ATAD2: variants seen among roughly 807,000 people sequenced by gnomAD.
ATAD2 encodes the protein ATPase family AAA domain containing 2.
ATAD2 carries 62 observed loss-of-function variants against 168.9 expected under a neutral mutation model. The ratio of observed to expected loss-of-function variants is 0.37; its 90% CI spans 0.30 to 0.45. The LOEUF (loss-of-function observed/expected upper bound fraction) is 0.45, where lower values mean the gene tolerates loss of function less well. ATAD2 is among the 20% of genes least tolerant of loss of function. ATAD2 has a pLI of 1.00. For synonymous variants in ATAD2, 613 were observed against 571.6 expected, an observed-to-expected ratio of 1.07 and a Z score of -1.03; for missense variants, 1,419 against 1,667.8, an observed-to-expected ratio of 0.85 and a Z score of 2.60.
At chr8:123,394,873 T>C (rs1245604500) in intron 1 of ATAD2, among the ~76,000 whole-genome samples, 1 of 152,222 alleles carries the variant, frequency 6.6e-6, no homozygotes, top group African/African-American at 2.4e-5. Flanking sequence ...AGGAAATTAC[T>C]TGTCTTTTCA....
intron 24 of ATAD2, 96 bp downstream of exon 24, chr8:123,333,782 C>T: frequency 7.7e-7 from 1 of 1,296,592 alleles, no homozygotes; most frequent in Non-Finnish European, 1.0e-6. Context: ...TAATTCACTG[C>T]ATTAACACAA....
chr8:123,322,627 C>T (rs960524756), intron 27 of ATAD2, among the ~76,000 whole-genome samples: 2 of 152,116 alleles, frequency 1.3e-5, no homozygotes, highest in Admixed American at 6.6e-5. Context: ...GAGTTGAGAT[C>T]GCACCACTGC....
intron 14 of ATAD2, 124 bp from the exon 15 acceptor site, chr8:123,348,397 C>G (rs186304194): frequency 5.1e-4 from 365 of 709,582 alleles, no homozygotes; most frequent in Non-Finnish European, 6.9e-4. Flanking sequence ...TTAATACTGG[C>G]CGGGTGCGGT....
In ATAD2 at chr8:123,322,939, T is replaced by G; in HGVS notation, c.4130A>C (p.Gln1377Pro). The change falls in exon 27 of 28, where the codon CAG (glutamine) becomes CCG (proline). Residue 1377 changes from glutamine to proline, a missense_variant and splice_region_variant. By Grantham distance (76) the Gln-to-Pro change is moderately conservative (BLOSUM62 -1). This residue lies in a region of ATAD2 where 303 missense variants were observed against 304.3 expected (regional missense o/e 1.00). Transcript: ENST00000287394. ...RKDHDKTSLI[Q>P]KMEQEVENFS... ...AAAAGTTTCCACTCAAGAGTTTACC[T>G]GAATAAGTGATGTTTTATCATGGTC... 1 of 1,611,964 alleles carries G rather than the reference T, an allele frequency of 6.2e-7. No homozygotes were observed. The highest frequency in any genetic ancestry group is 8.5e-7 in the Non-Finnish European group (1 of 1,179,198).
intron 24 of ATAD2, among the ~76,000 whole-genome samples, chr8:123,331,283 A>G (rs987167791): frequency 2.0e-5 from 3 of 151,702 alleles, no homozygotes; most frequent in African/African-American, 4.8e-5. Flanking sequence ...TTTGTTGGCC[A>G]GGCTGGAGTG....
intron 22 of ATAD2, among the ~76,000 whole-genome samples, chr8:123,336,018 CTA>C (rs1386321594): frequency 1.3e-5 from 2 of 152,014 alleles, no homozygotes; most frequent in East Asian, 3.8e-4. Context: ...ATTTTAAAAA[CTA>C]TTTCATTACA....
intron 1 of ATAD2, among the ~76,000 whole-genome samples, chr8:123,409,759 G>A (rs190465165): frequency 6.6e-6 from 1 of 151,814 alleles, no homozygotes. Flanking sequence ...CCTGGGGTTG[G>A]TTTAGTTTTG....
At chr8:123,328,825 G>A (rs1827688362) in intron 24 of ATAD2, among the ~76,000 whole-genome samples, 1 of 141,658 alleles carries the variant, frequency 7.1e-6, no homozygotes. Context: ...TTTTGAGACG[G>A]AGTCTCACTC....
In ATAD2 at chr8:123,349,405, C is replaced by A; in HGVS notation, c.1686G>T (p.Leu562Phe). The change falls in exon 14 of 28, where the codon TTG becomes TTT. Residue 562 changes from leucine to phenylalanine, a missense_variant. Coordinates refer to ENST00000287394, the MANE Select transcript of ATAD2 (RefSeq NM_014109.4). ...VSTLLALMDG[L>F]DSRGEIVVIG... ...TGACCACAATTTCCCCTCTGCTGTC[C>A]AATCCATCCATAAGAGCTAGCAGGG... is the stretch of plus-strand genomic sequence containing the variant. The A allele has an allele frequency of 6.2e-7, 1 of 1,613,984 alleles. No homozygotes were observed. The highest frequency in any genetic ancestry group is 8.5e-7 in the Non-Finnish European group (1 of 1,179,960).
intron 24 of ATAD2, 143 bp downstream of exon 24, chr8:123,333,735 A>G (rs1827841453): frequency 2.1e-6 from 2 of 954,284 alleles, no homozygotes; most frequent in African/African-American, 1.7e-5. Context: ...ATTTATTTCA[A>G]GAATGCAAAG....
intron 2 of ATAD2, among the ~76,000 whole-genome samples, chr8:123,377,091 CA>C (rs58655606): frequency 0.018 from 489 of 27,236 alleles, 32 homozygotes; most frequent in Admixed American, 0.095. Context: ...GACTCCGTCT[CA>C]AAAAAAAAAA....
chr8:123,348,208 TA>T lies in ATAD2; in HGVS notation c.1871del (p.Leu624Ter). 1.3e-6 allele frequency: 2 copies of T among 1,599,970 alleles called. No individual in the cohort carries two copies. The highest frequency in any genetic ancestry group is 1.1e-5 in the South Asian group (1 of 87,408). On this transcript the variant is annotated frameshift_variant, in exon 15 of 28. Transcript: ENST00000287394. LOFTEE classifies it high-confidence loss of function. ...CAACACAGTTTTCTGCTAGCTCTTCTAAAAATGTGTCCAGTGGTTTGGGATT... is the reference window on the plus strand; with the variant it reads ...CAACACAGTTTTCTGCTAGCTCTTCTAAAATGTGTCCAGTGGTTTGGGATT... ...DWNPKPLDTF[L>X]EELAENCVGY...
chr8:123,359,763 C>T, intron 9 of ATAD2, 78 bp from the exon 10 acceptor site: 1 of 946,756 alleles, frequency 1.1e-6, no homozygotes, highest in Non-Finnish European at 1.6e-6. Context: ...TGAATATAAA[C>T]ATTTAAGTTA....
At chr8:123,415,607 T>C (rs1353583615) in intron 1 of ATAD2, among the ~76,000 whole-genome samples, 1 of 152,224 alleles carries the variant, frequency 6.6e-6, no homozygotes, top group Non-Finnish European at 1.5e-5. Flanking sequence ...ACTATTTTTT[T>C]TTTTTGAGAC....
At chr8:123,353,335 G>C (rs1342409224) in intron 13 of ATAD2, among the ~76,000 whole-genome samples, 3 of 152,150 alleles carry the variant, frequency 2.0e-5, no homozygotes, top group African/African-American at 7.2e-5. Flanking sequence ...CTGCACTCCA[G>C]CCTGGGTGAC....
chr8:123,401,864 G>A (rs1350743318), intron 1 of ATAD2: 5 of 762,896 alleles, frequency 6.6e-6, no homozygotes, highest in South Asian at 1.3e-5. Flanking sequence ...CTTCAGTGAG[G>A]AGGATAAGGT....
At position 123,360,796 on chromosome 8, in the gene ATAD2, T is replaced by C. The variant is rs114158544; in HGVS notation, c.1157+743A>G. Among the ~76,000 whole-genome samples, 776 of 152,240 alleles carry C rather than the reference T, an allele frequency of 5.1e-3. 3 individuals are homozygous for C. The highest frequency in any genetic ancestry group is 0.017 in the African/African-American group (701 of 41,540). On this transcript the variant is annotated intron_variant, in intron 9 of 27. Transcript: ENST00000287394. ...CAGATCTGTAAAATGTAAATAATCC[T>C]TGCTCTATCTCCCTTAAATATTTAT...
At chr8:123,356,021 G>C (rs564377610) in intron 13 of ATAD2, 3 of 152,992 alleles carry the variant, frequency 2.0e-5, no homozygotes, top group Non-Finnish European at 2.9e-5. Context: ...GGGTTCAAGT[G>C]ATTCTCCTGA....
intron 6 of ATAD2, 123 bp from the exon 7 acceptor site, chr8:123,370,147 AAACAAC>A: frequency 1.1e-6 from 1 of 877,112 alleles, no homozygotes; most frequent in Non-Finnish European, 1.7e-6. Flanking sequence ...AAAAAAAAAA[AAACAAC>A]AAAAAAAAAC....
Sources: allele counts gnomAD v4.1 joint callset (sites outside exome capture counted in the v4.1 genomes callset), GRCh38; gene constraint gnomAD v4.1.1; regional missense constraint gnomAD v4.1.1; transcripts MANE v1.5; gene names NCBI Gene and HGNC (gene_info 2026-07-23, HGNC 2026-07-21).